Variants in HCN1 observed in about 807,000 individuals in gnomAD.
HCN1 encodes potassium/sodium hyperpolarization-activated cyclic nucleotide-gated channel 1.
HCN1 carries 13 observed loss-of-function variants against 78.9 expected under a neutral mutation model. The observed-to-expected ratio is 0.16, with a 90% CI of 0.11 to 0.26. The LOEUF is 0.26. Among genes scored for constraint, HCN1 ranks in the 10% least tolerant of loss-of-function variants. The probability of loss-of-function intolerance (pLI) is 1.00; values close to 1 mark genes in which losing one functional copy is unlikely to be tolerated. For synonymous variants in HCN1, 552 were observed against 455.5 expected (o/e 1.21, Z -2.70); for missense variants, 810 against 1,154.3 (o/e 0.70, Z 4.32).
At chr5:45,347,774 GATGAAATGA>G (rs1187123341) in intron 5 of HCN1, among the ~76,000 whole-genome samples, 2 of 152,116 alleles carry the variant, frequency 1.3e-5, no homozygotes, top group Non-Finnish European at 2.9e-5. Flanking sequence ...AGTGATGGAA[GATGAAATGA>G]ATGAAATGAA....
chr5:45,683,280 T>C (rs1489470593), intron 1 of HCN1, among the ~76,000 whole-genome samples: 1 of 152,156 alleles, frequency 6.6e-6, no homozygotes, highest in Non-Finnish European at 1.5e-5. Flanking sequence ...TTTAGTTTTT[T>C]TAGTCAGTGA....
chr5:45,552,042 C>T (rs1395040665), intron 2 of HCN1, among the ~76,000 whole-genome samples: 3 of 151,800 alleles, frequency 2.0e-5, no homozygotes, highest in Non-Finnish European at 4.4e-5. Context: ...TTTAATTACA[C>T]CTCAGGATTA....
At chr5:45,535,564 C>T (rs557585511) in intron 2 of HCN1, among the ~76,000 whole-genome samples, 28 of 152,018 alleles carry the variant, frequency 1.8e-4, no homozygotes, top group African/African-American at 6.5e-4. Flanking sequence ...TGCCACTGCC[C>T]TCCAGCCTAG....
chr5:45,367,669 A>G (rs1747263465), intron 4 of HCN1, among the ~76,000 whole-genome samples: 1 of 151,930 alleles, frequency 6.6e-6, no homozygotes, highest in Non-Finnish European at 1.5e-5. Flanking sequence ...GGCTTTTCAG[A>G]ACCAGGTCAC....
At chr5:45,301,038 G>C (rs1392168123) in intron 6 of HCN1, among the ~76,000 whole-genome samples, 2 of 151,974 alleles carry the variant, frequency 1.3e-5, no homozygotes, top group African/African-American at 4.8e-5. Context: ...GTTTCACTCA[G>C]CCATAATAGA....
At chr5:45,355,167 T>C (rs1730270587) in intron 4 of HCN1, among the ~76,000 whole-genome samples, 1 of 152,064 alleles carries the variant, frequency 6.6e-6, no homozygotes. Context: ...TGATCTTCCT[T>C]TTACTTTCAA....
intron 2 of HCN1, among the ~76,000 whole-genome samples, chr5:45,613,154 C>A (rs1744874245): frequency 8.5e-6 from 1 of 117,738 alleles, no homozygotes. Context: ...TCCCTCCCCC[C>A]TCCCCCCACC....
At position 45,267,217 on chromosome 5, in the gene HCN1, C is replaced by G. The variant is rs936848980; in HGVS notation, c.1655G>C (p.Ser552Thr). The change falls in exon 7 of 8, where the codon AGT becomes ACT. Residue 552 changes from serine to threonine, a missense_variant. Transcript: ENST00000303230. The part of the protein sequence containing the change: ...CLLTKGRRTA[S>T]VRADTYCRLY... ...ACGACAATATGTATCAGCTCGAACACTGGCAGTACGACGTCCTTTGGTCAG... is the reference window on the plus strand; with the variant it reads ...ACGACAATATGTATCAGCTCGAACAGTGGCAGTACGACGTCCTTTGGTCAG... The G allele has an allele frequency of 1.2e-6, 2 of 1,613,892 alleles. No individual in the cohort carries two copies. The highest frequency in any genetic ancestry group is 3.3e-5 in the Admixed American group (2 of 60,000).
At chr5:45,598,327 A>G (rs1327134168) in intron 2 of HCN1, among the ~76,000 whole-genome samples, 2 of 152,194 alleles carry the variant, frequency 1.3e-5, no homozygotes, top group Non-Finnish European at 2.9e-5. Context: ...AGGATTCCCT[A>G]TTTAATAAAT....
At chr5:45,471,342 A>C (rs1424851716) in intron 2 of HCN1, among the ~76,000 whole-genome samples, 1 of 151,860 alleles carries the variant, frequency 6.6e-6, no homozygotes, top group Non-Finnish European at 1.5e-5. Flanking sequence ...CTCCATTATA[A>C]CTTCTGACTC....
intron 6 of HCN1, among the ~76,000 whole-genome samples, chr5:45,296,255 C>A (rs1031593285): frequency 6.6e-6 from 1 of 151,782 alleles, no homozygotes; most frequent in Non-Finnish European, 1.5e-5. Context: ...CACACCTCAG[C>A]AAATAGAAAA....
intron 2 of HCN1, among the ~76,000 whole-genome samples, chr5:45,504,544 G>A (rs1742256061): frequency 2.0e-5 from 3 of 152,102 alleles, no homozygotes; most frequent in South Asian, 2.1e-4. Context: ...ACTGTGAATA[G>A]TGCCGCAATA....
chr5:45,426,212 C>G (rs534573989), intron 3 of HCN1, among the ~76,000 whole-genome samples: 1 of 152,252 alleles, frequency 6.6e-6, no homozygotes, highest in African/African-American at 2.4e-5. Flanking sequence ...ATGGTGAATA[C>G]CTTTTTGTTC....
chr5:45,450,276 C>G (rs1390742508), intron 3 of HCN1, among the ~76,000 whole-genome samples: 2 of 152,136 alleles, frequency 1.3e-5, no homozygotes, highest in Non-Finnish European at 2.9e-5. Flanking sequence ...AACAATGAAA[C>G]TGAAGCAAAG....
At chr5:45,681,625 A>G (rs1248667008) in intron 1 of HCN1, among the ~76,000 whole-genome samples, 3 of 152,096 alleles carry the variant, frequency 2.0e-5, no homozygotes, top group Admixed American at 2.0e-4. Context: ...TTGACTCAAT[A>G]TTTTATTAAT....
chr5:45,374,387 G>T (rs970024048), intron 4 of HCN1, among the ~76,000 whole-genome samples: 3 of 143,262 alleles, frequency 2.1e-5, no homozygotes, highest in Non-Finnish European at 4.5e-5. Context: ...ATCCCTCAGA[G>T]ACTACCACGA....
chr5:45,347,530 G>A (rs929770026), intron 5 of HCN1, among the ~76,000 whole-genome samples: 2 of 152,246 alleles, frequency 1.3e-5, no homozygotes, highest in African/African-American at 4.8e-5. Context: ...ACTTTGATGA[G>A]TTGAGAGAAG....
intron 1 of HCN1, among the ~76,000 whole-genome samples, chr5:45,694,690 G>A (rs1047386460): frequency 2.0e-5 from 3 of 152,292 alleles, no homozygotes; most frequent in African/African-American, 7.2e-5. Flanking sequence ...GGGAAGTCCA[G>A]CCTTGTTCAG....
At chr5:45,507,653 C>A (rs1742335080) in intron 2 of HCN1, among the ~76,000 whole-genome samples, 1 of 152,096 alleles carries the variant, frequency 6.6e-6, no homozygotes, top group Non-Finnish European at 1.5e-5. Context: ...GGAGCACACA[C>A]ACATGGTCAG....
Sources: allele counts gnomAD v4.1 joint callset (sites outside exome capture counted in the v4.1 genomes callset), GRCh38; gene constraint gnomAD v4.1.1; transcripts MANE v1.5; gene names NCBI Gene and HGNC (gene_info 2026-07-23, HGNC 2026-07-21).